PGM5: variants seen among roughly 807,000 people sequenced by gnomAD.
PGM5 encodes the protein phosphoglucomutase-like protein 5.
PGM5 carries 23 observed loss-of-function variants against 59.2 expected under a neutral mutation model. The observed-to-expected ratio is 0.39, with a 90% CI of 0.28 to 0.55. The LOEUF (loss-of-function observed/expected upper bound fraction) is 0.55, where lower values mean the gene tolerates loss of function less well. Among genes scored for constraint, PGM5 ranks in the 20% least tolerant of loss-of-function variants. The pLI, the probability that PGM5 is intolerant of heterozygous loss-of-function variation, is 0.66. For missense variants in PGM5, 574 were observed against 748.3 expected, an observed-to-expected ratio of 0.77 and a Z score of 2.72; for synonymous variants, 214 against 286.0, an observed-to-expected ratio of 0.75 and a Z score of 2.54.
intron 9 of PGM5, among the ~76,000 whole-genome samples, chr9:68,484,530 AC>A (rs1349368936): frequency 1.4e-5 from 2 of 145,664 alleles, no homozygotes; most frequent in African/African-American, 5.1e-5. Flanking sequence ...ACAAAGTGAG[AC>A]CATGTCTCAA....
intron 6 of PGM5, among the ~76,000 whole-genome samples, chr9:68,431,308 C>A (rs189119539): frequency 6.6e-6 from 1 of 152,288 alleles, no homozygotes; most frequent in African/African-American, 2.4e-5. Flanking sequence ...CTACCTCTTT[C>A]TTCGCATTCT....
At chr9:68,447,229 C>T (rs1823625827) in intron 6 of PGM5, among the ~76,000 whole-genome samples, 1 of 152,218 alleles carries the variant, frequency 6.6e-6, no homozygotes, top group Admixed American at 6.5e-5. Flanking sequence ...TCACTAAAAT[C>T]CCATCTCACC....
intron 6 of PGM5, among the ~76,000 whole-genome samples, chr9:68,439,935 C>A (rs1439939705): frequency 6.6e-6 from 1 of 152,002 alleles, no homozygotes; most frequent in African/African-American, 2.4e-5. Flanking sequence ...ATCTGACCCT[C>A]AACAGTATAT....
Position 68,449,421 on chromosome 9 carries a change from TGGAAAGTAAAATTGA to T in PGM5, c.1044-15668_1044-15654del, listed in dbSNP as rs1823662077. 7.2e-5 allele frequency among the ~76,000 whole-genome samples: 11 copies of T among 152,270 alleles called. No homozygotes were observed. In the South Asian group the frequency reaches 2.3e-3, roughly 32 times the overall value. ...GGGAATTGCAAGCCTTTGGAGTCCC[TGGAAAGTAAAATTGA>T]GGAGTATTTCCTCAAGAGAGGAGAG... On this transcript the variant is annotated intron_variant, in intron 6 of 10. Transcript: ENST00000396396.
At chr9:68,364,309 T>C (rs538285124) in intron 1 of PGM5, among the ~76,000 whole-genome samples, 5 of 152,274 alleles carry the variant, frequency 3.3e-5, no homozygotes, top group Non-Finnish European at 7.4e-5. Flanking sequence ...AGAATGAGAA[T>C]ATACTTGGTT....
At chr9:68,466,047 C>T in intron 7 of PGM5, 1 of 810,378 alleles carries the variant, frequency 1.2e-6, no homozygotes, top group Non-Finnish European at 1.7e-6. Context: ...CATTCTTTGT[C>T]TCTTGTCCTT....
intron 1 of PGM5, among the ~76,000 whole-genome samples, chr9:68,367,325 G>A (rs1206759771): frequency 7.9e-5 from 12 of 152,096 alleles, no homozygotes; most frequent in Admixed American, 2.6e-4. Context: ...CCCACCCCAT[G>A]GCCCTCTACT....
chr9:68,463,644 T>C (rs1195120608), intron 6 of PGM5, among the ~76,000 whole-genome samples: 3 of 152,212 alleles, frequency 2.0e-5, no homozygotes, highest in Non-Finnish European at 4.4e-5. Context: ...AAGTTTTCGC[T>C]GTTTTTTAAT....
intron 7 of PGM5, among the ~76,000 whole-genome samples, chr9:68,473,106 A>C (rs1420112591): frequency 6.6e-6 from 1 of 152,208 alleles, no homozygotes; most frequent in Non-Finnish European, 1.5e-5. Flanking sequence ...CTACCGATCG[A>C]TCGATCGATC....
chr9:68,483,928 G>T lies in PGM5; in HGVS notation c.1359G>T (p.Leu453=). 6.2e-7 allele frequency: 1 copy of T among 1,614,132 alleles called. No homozygotes were observed. The highest frequency in any genetic ancestry group is 8.5e-7 in the Non-Finnish European group (1 of 1,179,986). The part of the protein sequence containing the change: ...TYYIMRDLEA[L]VTDKSFIGQQ... ...ATATCATGAGGGACCTGGAGGCCCTGGTCACAGACAAATCCTTCATTGGCC... is the reference window on the plus strand; with the variant it reads ...ATATCATGAGGGACCTGGAGGCCCTTGTCACAGACAAATCCTTCATTGGCC... Residue 453 remains leucine (L), a synonymous_variant, in exon 9 of 11, where the codon CTG becomes CTT. Coordinates refer to ENST00000396396, the MANE Select transcript of PGM5 (RefSeq NM_021965.4).
chr9:68,440,469 A>T (rs2132062571), intron 6 of PGM5, among the ~76,000 whole-genome samples: 1 of 152,294 alleles, frequency 6.6e-6, no homozygotes, highest in South Asian at 2.1e-4. Context: ...GGTAAACAAT[A>T]TGCTTCTAAA....
At position 68,381,424 on chromosome 9, in the gene PGM5, A is replaced by C. The variant is rs2810230; in HGVS notation, c.425-2974A>C. Among the ~76,000 whole-genome samples, 1,121 of 151,950 alleles carry C rather than the reference A, an allele frequency of 7.4e-3. 11 individuals are homozygous for C. The highest frequency in any genetic ancestry group is 0.026 in the African/African-American group (1,084 of 41,468). ...GAAACCCACAGCTAACATCATAATC[A>C]ATTGGGGACAACTGAAAACTTTTCC... On this transcript the variant is annotated intron_variant, in intron 2 of 10. Coordinates refer to ENST00000396396, the MANE Select transcript of PGM5 (RefSeq NM_021965.4).
Position 68,529,727 on chromosome 9 carries a change from C to A in PGM5, c.*71C>A. ...GAGATGCTTCACTGATGCCTTCTTG[C>A]TACCTGTTTGTGCCTCTTATGACTT... On this transcript the variant is annotated 3_prime_UTR_variant, in exon 11 of 11. Coordinates refer to ENST00000396396, the MANE Select transcript of PGM5 (RefSeq NM_021965.4). 1 of 903,354 alleles carries A rather than the reference C, an allele frequency of 1.1e-6. No individual in the cohort carries two copies. The highest frequency in any genetic ancestry group is 1.6e-6 in the Non-Finnish European group (1 of 608,974). The allele number at this position is 903,354 out of a possible 1,614,324, so 56.0% of individuals were successfully genotyped here. A position where few individuals can be genotyped will look rare whatever the true frequency, so the allele number is the denominator to read the frequency against.
At chr9:68,380,008 G>A (rs1362949925) in intron 2 of PGM5, among the ~76,000 whole-genome samples, 2 of 151,828 alleles carry the variant, frequency 1.3e-5, no homozygotes, top group Admixed American at 1.3e-4. Context: ...ACACTAATAG[G>A]GGACTTCAGT....
At chr9:68,421,632 A>T (rs538472666) in intron 6 of PGM5, among the ~76,000 whole-genome samples, 1 of 152,172 alleles carries the variant, frequency 6.6e-6, no homozygotes, top group South Asian at 2.1e-4. Context: ...CAGGAGAATC[A>T]CTTGAACCCG....
Position 68,432,899 on chromosome 9 carries a change from G to A in PGM5, c.1044-32194G>A, listed in dbSNP as rs1448161817. ...TGGGATTAAAGGCACGAGCCACTGC[G>A]CCTGGCCTAAATGAACCATATTTTT... On this transcript the variant is annotated intron_variant, in intron 6 of 10. Transcript: ENST00000396396. 4.6e-5 allele frequency among the ~76,000 whole-genome samples: 7 copies of A among 152,270 alleles called. No individual in the cohort carries two copies. In the East Asian group the frequency reaches 1.2e-3, roughly 25 times the overall value.
rs1192059584 is a variant in PGM5 at position 68,357,585 on chromosome 9, G to A, written c.261+197G>A. 1.8e-5 allele frequency: 15 copies of A among 832,232 alleles called. 1 individual carries two copies. Among genetic ancestry groups the A allele is most frequent in the Admixed American group, 2.9e-5 (1 of 34,080 alleles). The allele number at this position is 832,232 out of a possible 1,614,324, so 51.6% of individuals were successfully genotyped here. A position where few individuals can be genotyped will look rare whatever the true frequency, so the allele number is the denominator to read the frequency against. On this transcript the variant is annotated intron_variant, in intron 1 of 10. Coordinates refer to ENST00000396396, the MANE Select transcript of PGM5 (RefSeq NM_021965.4). ...CCTCCCCGGTGCACCCCGGACACTG[G>A]GTTCTATTAGTACCCACCGCCCCCA...
chr9:68,400,350 C>T (rs1554680475), intron 6 of PGM5, among the ~76,000 whole-genome samples: 1 of 152,146 alleles, frequency 6.6e-6, no homozygotes, highest in Non-Finnish European at 1.5e-5. Context: ...ACATGTCATG[C>T]TGCTTACAGT....
At chr9:68,414,740 G>C (rs549773538) in intron 6 of PGM5, among the ~76,000 whole-genome samples, 1 of 151,832 alleles carries the variant, frequency 6.6e-6, no homozygotes, top group East Asian at 1.9e-4. Context: ...GGACGAATCA[G>C]TTTTGCCTAA....
Sources: allele counts gnomAD v4.1 joint callset (sites outside exome capture counted in the v4.1 genomes callset), GRCh38; gene constraint gnomAD v4.1.1; transcripts MANE v1.5; gene names NCBI Gene and HGNC (gene_info 2026-07-23, HGNC 2026-07-21).